MAPK8IP3: variants seen among roughly 807,000 people sequenced by gnomAD.
MAPK8IP3 encodes mitogen-activated protein kinase 8 interacting protein 3.
A neutral mutation model predicts 157.8 loss-of-function variants in MAPK8IP3; 49 were observed. That is an observed-to-expected ratio of 0.31 (90% confidence interval 0.25 to 0.39). The LOEUF (loss-of-function observed/expected upper bound fraction) is 0.39. MAPK8IP3 is among the 10% of genes least tolerant of loss of function. The pLI is 1.00. For missense variants in MAPK8IP3, 1,478 were observed against 1,889.4 expected (o/e 0.78, Z 4.04); for synonymous variants, 897 against 777.7 (o/e 1.15, Z -2.55).
At chr16:1,735,585 CCATCCGTGTGAG>C (rs372829822) in intron 4 of MAPK8IP3, among the ~76,000 whole-genome samples, 2,673 of 137,728 alleles carry the variant, frequency 0.019, 126 homozygotes, top group African/African-American at 0.072. Flanking sequence ...GTCCGTGTGA[CCATCCGTGTGAG>C]CATCCGTGTG....
At chr16:1,765,329 C>A in intron 20 of MAPK8IP3, 151 bp downstream of exon 20, 1 of 985,176 alleles carries the variant, frequency 1.0e-6, no homozygotes, top group Non-Finnish European at 1.4e-6. Context: ...AGCACCCAGT[C>A]AAGTGAGGCC....
chr16:1,708,394 C>T (rs980302606), intron 1 of MAPK8IP3, among the ~76,000 whole-genome samples: 1 of 152,256 alleles, frequency 6.6e-6, no homozygotes, highest in Non-Finnish European at 1.5e-5. Flanking sequence ...CTCCCACACT[C>T]AGTGGCCTGA....
chr16:1,758,571 C>T (rs572878365), intron 9 of MAPK8IP3, among the ~76,000 whole-genome samples: 1 of 152,338 alleles, frequency 6.6e-6, no homozygotes, highest in Admixed American at 6.5e-5. Flanking sequence ...AGGCCGAGTC[C>T]TGCTCTCTGG....
In MAPK8IP3 at chr16:1,766,536, G is replaced by A. The variant is rs377572151; in HGVS notation, c.2827G>A (p.Gly943Arg). 24 of 1,611,490 alleles carry A rather than the reference G, an allele frequency of 1.5e-5. No individual in the cohort carries two copies. The Admixed American group carries it at 2.0e-4, about 13-fold the overall frequency. The change falls in exon 23 of 32, where the codon GGG becomes AGG. Residue 943 changes from glycine (G) to arginine (R), a missense_variant. Gly to Arg is a moderately radical substitution (Grantham distance 125). This residue lies in a region of MAPK8IP3 where 669 missense variants were observed against 759.8 expected (regional missense o/e 0.88). Transcript: ENST00000610761. ...CCACCGTTCTTCCTGCAGCGAGAAC[G>A]GGCCAGAGCCTGACAGCAGCAGCAC... ...SSGPQPGSENGPEPDSSSTRP... is the reference protein window; with the variant it reads ...SSGPQPGSENRPEPDSSSTRP...
chr16:1,756,118 G>A (rs1230690456), intron 8 of MAPK8IP3, among the ~76,000 whole-genome samples: 1 of 152,142 alleles, frequency 6.6e-6, no homozygotes, highest in Non-Finnish European at 1.5e-5. Flanking sequence ...CTTCGAGGGA[G>A]CAGTCGGGCA....
At chr16:1,717,550 C>T (rs375801509) in intron 1 of MAPK8IP3, among the ~76,000 whole-genome samples, 3 of 152,200 alleles carry the variant, frequency 2.0e-5, no homozygotes, top group Admixed American at 1.3e-4. Context: ...TCACTAGACT[C>T]GGTTAGATAG....
chr16:1,752,989 C>T (rs1333381209), intron 8 of MAPK8IP3, among the ~76,000 whole-genome samples: 3 of 152,186 alleles, frequency 2.0e-5, no homozygotes, highest in South Asian at 2.1e-4. Flanking sequence ...AAAAGGAGTA[C>T]GCCCTTGTGT....
In MAPK8IP3 at chr16:1,770,237, G is replaced by A. The variant is rs972803023; in HGVS notation, c.*1413G>A. On this transcript the variant is annotated 3_prime_UTR_variant, in exon 32 of 32. Transcript: ENST00000610761. The stretch of plus-strand genomic sequence containing the variant: ...TGAGCAGTGGGGCGGCTGGGGGAGG[G>A]GTGACGATTCTCCTCAGGCTTTGGC... 6.1e-6 allele frequency: 1 copy of A among 164,462 alleles called. No homozygotes were observed. The allele number at this position is 164,462 out of a possible 1,614,324, so 10.2% of individuals were successfully genotyped here.
intron 1 of MAPK8IP3, among the ~76,000 whole-genome samples, chr16:1,723,979 G>T (rs1038534560): frequency 1.3e-5 from 2 of 152,152 alleles, no homozygotes; most frequent in African/African-American, 4.8e-5. Flanking sequence ...TGTGTTGCTG[G>T]TTATCCCAGT....
At chr16:1,763,143 ACCTCTCCCTGCACACTGCCTG>A in intron 16 of MAPK8IP3, 137 bp downstream of exon 16, 1 of 1,139,400 alleles carries the variant, frequency 8.8e-7, no homozygotes, top group Non-Finnish European at 1.3e-6. Flanking sequence ...AGGGGCCGTG[ACCTCTCCCTGCACACTGCCTG>A]CCCCTCCCTG....
At chr16:1,721,873 G>T (rs2142321187) in intron 1 of MAPK8IP3, among the ~76,000 whole-genome samples, 1 of 152,270 alleles carries the variant, frequency 6.6e-6, no homozygotes, top group East Asian at 1.9e-4. Context: ...GGGTTCAAGT[G>T]ATTCTCCTGC....
At chr16:1,748,467 C>T in intron 7 of MAPK8IP3, 121 bp downstream of exon 7, 14 of 1,134,268 alleles carry the variant, frequency 1.2e-5, no homozygotes, top group Non-Finnish European at 1.8e-5. Context: ...CCTACCGCCT[C>T]CATCCACGAC....
chr16:1,738,127 ACTGT>A (rs2040191417), intron 4 of MAPK8IP3, among the ~76,000 whole-genome samples: 1 of 50,154 alleles, frequency 2.0e-5, no homozygotes, highest in Non-Finnish European at 3.3e-5. Context: ...TGTGAGCGTG[ACTGT>A]CCGTGTGTGT....
Position 1,768,773 on chromosome 16 carries a change from G to A in MAPK8IP3, c.3963G>A (p.Lys1321=), listed in dbSNP as rs769789456. 8.7e-6 allele frequency: 14 copies of A among 1,612,762 alleles called. 1 individual carries two copies. In the South Asian group the frequency reaches 1.5e-4, roughly 18 times the overall value. The change falls in exon 32 of 32, where the codon AAG becomes AAA. Residue 1321 remains lysine, a synonymous_variant. Transcript: ENST00000610761. ...GCCAGGTGAAGCCCGTGCTGTCCAA[G>A]GCAGAGCGCAGTCACATCATCGTGT... ...DMSQVKPVLS[K]AERSHIIVWQ...
Position 1,764,097 on chromosome 16 carries a change from C to T in MAPK8IP3, c.2026-18C>T. 1 of 1,584,062 alleles carries T rather than the reference C, an allele frequency of 6.3e-7. No homozygotes were observed. The highest frequency in any genetic ancestry group is 8.6e-7 in the Non-Finnish European group (1 of 1,162,818). On this transcript the variant is annotated intron_variant, in intron 17 of 31. Coordinates refer to ENST00000610761, the MANE Select transcript of MAPK8IP3 (RefSeq NM_001318852.2). ...GGAGCCAGGGTTCGTGCCCACGGCG[C>T]CTCCCTGCTCCCTGCAGCTGAGTCC...
intron 2 of MAPK8IP3, among the ~76,000 whole-genome samples, chr16:1,726,999 GTCTGTGTGTCATGTGCTGTGTGCGGCA>G (rs1567149641): frequency 6.6e-6 from 1 of 152,078 alleles, no homozygotes; most frequent in Non-Finnish European, 1.5e-5. Flanking sequence ...TGTGTGCAGC[GTCTGTGTGTCATGTGCTGTGTGCGGCA>G]TCTGTGTGAG....
intron 5 of MAPK8IP3, 126 bp from the exon 6 acceptor site, chr16:1,746,903 C>A: frequency 8.3e-7 from 1 of 1,206,320 alleles, no homozygotes; most frequent in Non-Finnish European, 1.1e-6. Flanking sequence ...GGAGCTCTGG[C>A]CCGCAGGGTG....
At chr16:1,764,246 C>T (rs1011344275) in intron 18 of MAPK8IP3, 36 bp downstream of exon 18, 1 of 1,600,480 alleles carries the variant, frequency 6.2e-7, no homozygotes, top group Non-Finnish European at 8.5e-7. Flanking sequence ...GCTGGCTGGG[C>T]GAGCGGGAGG....
chr16:1,723,907 G>A (rs2038699202), intron 1 of MAPK8IP3, among the ~76,000 whole-genome samples: 1 of 152,144 alleles, frequency 6.6e-6, no homozygotes, highest in Non-Finnish European at 1.5e-5. Context: ...TACCACATAA[G>A]GTTAAGATTC....
Sources: allele counts gnomAD v4.1 joint callset (sites outside exome capture counted in the v4.1 genomes callset), GRCh38; gene constraint gnomAD v4.1.1; regional missense constraint gnomAD v4.1.1; transcripts MANE v1.5; gene names NCBI Gene and HGNC (gene_info 2026-07-23, HGNC 2026-07-21).